The following CRIM1 variants were observed in gnomAD, a reference collection of about 807,000 sequenced individuals.
CRIM1 encodes cysteine-rich motor neuron 1 protein.
Under a neutral mutation model 116.4 loss-of-function variants are expected in CRIM1, and 32 were observed. The observed-to-expected ratio is 0.27, with a 90% CI of 0.21 to 0.37. The LOEUF (loss-of-function observed/expected upper bound fraction) is 0.37. Ranked by LOEUF, CRIM1 falls within the 10% of genes least tolerant of loss-of-function variation. The pLI is 1.00. For missense variants in CRIM1, 1,331 were observed against 1,354.8 expected (o/e 0.98, Z 0.28); for synonymous variants, 590 against 509.2 (o/e 1.16, Z -2.13).
intron 2 of CRIM1, among the ~76,000 whole-genome samples, chr2:36,429,343 C>T (rs1455080785): frequency 6.6e-6 from 1 of 152,158 alleles, no homozygotes; most frequent in Non-Finnish European, 1.5e-5. Flanking sequence ...ACACAGTGTT[C>T]ACTTTGGAAG....
chr2:36,473,099 A>G (rs1456912083), intron 5 of CRIM1, among the ~76,000 whole-genome samples: 2 of 152,220 alleles, frequency 1.3e-5, no homozygotes, highest in African/African-American at 2.4e-5. Flanking sequence ...AACTGGTACT[A>G]ATAATACTCG....
chr2:36,424,876 G>A (rs1674336004), intron 2 of CRIM1, among the ~76,000 whole-genome samples: 2 of 152,118 alleles, frequency 1.3e-5, no homozygotes, highest in Non-Finnish European at 2.9e-5. Flanking sequence ...AAATATAACA[G>A]ATTGCCTGCA....
At chr2:36,438,862 A>G (rs1176199047) in intron 2 of CRIM1, among the ~76,000 whole-genome samples, 6 of 152,200 alleles carry the variant, frequency 3.9e-5, no homozygotes, top group African/African-American at 1.4e-4. Flanking sequence ...ATCACCATTT[A>G]CTAGCTGTGT....
chr2:36,473,032 C>T (rs976767887), intron 5 of CRIM1, among the ~76,000 whole-genome samples: 1 of 152,172 alleles, frequency 6.6e-6, no homozygotes, highest in African/African-American at 2.4e-5. Context: ...CTGCCTCATT[C>T]ATGTGACTTT....
intron 1 of CRIM1, among the ~76,000 whole-genome samples, chr2:36,385,942 A>G (rs903984001): frequency 1.3e-5 from 2 of 152,178 alleles, no homozygotes; most frequent in Non-Finnish European, 2.9e-5. Flanking sequence ...AATGTGCTTT[A>G]TTATCTGTGC....
Position 36,441,516 on chromosome 2 carries a change from G to C in CRIM1, c.748+16G>C, listed in dbSNP as rs752822807. 6.2e-7 allele frequency: 1 copy of C among 1,604,712 alleles called. No individual in the cohort carries two copies. The highest frequency in any genetic ancestry group is 8.5e-7 in the Non-Finnish European group (1 of 1,179,332). On this transcript the variant is annotated intron_variant, in intron 3 of 16. Transcript: ENST00000280527. ...TGCAAACCAGGTATGCACGAGCTCT[G>C]TCTCAGCAGCCTTGTTCCTTTGCAT...
At chr2:36,447,780 T>G (rs1676364059) in intron 4 of CRIM1, among the ~76,000 whole-genome samples, 1 of 152,196 alleles carries the variant, frequency 6.6e-6, no homozygotes, top group Non-Finnish European at 1.5e-5. Flanking sequence ...TAATCTACAT[T>G]TAACCAAGAT....
chr2:36,508,130 A>G (rs1681558242), intron 8 of CRIM1, among the ~76,000 whole-genome samples: 1 of 152,194 alleles, frequency 6.6e-6, no homozygotes, highest in African/African-American at 2.4e-5. Context: ...AAATTTCTAA[A>G]TGAACCATTT....
At chr2:36,522,801 CAA>C (rs1388959317) in intron 13 of CRIM1, among the ~76,000 whole-genome samples, 1 of 107,528 alleles carries the variant, frequency 9.3e-6, no homozygotes. Flanking sequence ...GACTCCATCT[CAA>C]AAAAAAAAAA....
intron 13 of CRIM1, among the ~76,000 whole-genome samples, chr2:36,526,737 C>A (rs1328438670): frequency 6.6e-6 from 1 of 152,142 alleles, no homozygotes; most frequent in Non-Finnish European, 1.5e-5. Context: ...GTGGATCCTC[C>A]CTGTGTCCAG....
At chr2:36,412,116 G>C in intron 2 of CRIM1, among the ~76,000 whole-genome samples, 1 of 152,104 alleles carries the variant, frequency 6.6e-6, no homozygotes, top group Admixed American at 6.5e-5. Flanking sequence ...CTCCCTTTAG[G>C]TAGACCAGAG....
chr2:36,518,375 G>GCA (rs1313141815), intron 12 of CRIM1, among the ~76,000 whole-genome samples: 1 of 152,080 alleles, frequency 6.6e-6, no homozygotes. Flanking sequence ...TATTCTTAGA[G>GCA]CATTTCTGCT....
At chr2:36,483,099 T>C (rs1679542970) in intron 7 of CRIM1, among the ~76,000 whole-genome samples, 1 of 152,226 alleles carries the variant, frequency 6.6e-6, no homozygotes, top group African/African-American at 2.4e-5. Flanking sequence ...GGTATACAGA[T>C]AAGCCTTTCC....
At chr2:36,529,182 T>C (rs1444237275) in intron 13 of CRIM1, 2 of 471,158 alleles carry the variant, frequency 4.2e-6, no homozygotes, top group East Asian at 6.9e-5. Context: ...TACCCTCTAG[T>C]GGTCAAGGAT....
chr2:36,416,400 T>A (rs888944047), intron 2 of CRIM1, among the ~76,000 whole-genome samples: 2 of 152,106 alleles, frequency 1.3e-5, no homozygotes, highest in Non-Finnish European at 2.9e-5. Flanking sequence ...AGAGGTAGCA[T>A]GTGAAGTTAA....
chr2:36,475,351 T>C (rs570321130), intron 5 of CRIM1, among the ~76,000 whole-genome samples: 1 of 152,364 alleles, frequency 6.6e-6, no homozygotes, highest in East Asian at 1.9e-4. Flanking sequence ...TTTGATGCTA[T>C]TGTGATTGGA....
intron 13 of CRIM1, among the ~76,000 whole-genome samples, chr2:36,523,957 T>C (rs1665584493): frequency 6.6e-6 from 1 of 152,244 alleles, no homozygotes; most frequent in African/African-American, 2.4e-5. Context: ...ATTTTCTTAC[T>C]GTAATGGTCA....
At chr2:36,406,989 TCC>T (rs1672857890) in intron 2 of CRIM1, among the ~76,000 whole-genome samples, 1 of 152,150 alleles carries the variant, frequency 6.6e-6, no homozygotes, top group Non-Finnish European at 1.5e-5. Context: ...GATCTGGAAT[TCC>T]CTTCCCTTGA....
At chr2:36,374,125 A>G (rs1199270013) in intron 1 of CRIM1, among the ~76,000 whole-genome samples, 2 of 152,228 alleles carry the variant, frequency 1.3e-5, no homozygotes, top group African/African-American at 4.8e-5. Context: ...AAAAGGATTG[A>G]TGCAGATATT....
Sources: allele counts gnomAD v4.1 joint callset (sites outside exome capture counted in the v4.1 genomes callset), GRCh38; gene constraint gnomAD v4.1.1; transcripts MANE v1.5; gene names NCBI Gene and HGNC (gene_info 2026-07-23, HGNC 2026-07-21).